Variants in ALDH1L2 observed in about 807,000 individuals in gnomAD.
ALDH1L2 encodes aldehyde dehydrogenase 1 family member L2, also known as mitochondrial 10-formyltetrahydrofolate dehydrogenase.
ALDH1L2 carries 91 observed loss-of-function variants against 111.0 expected under a neutral mutation model. The observed-to-expected ratio is 0.82, with a 90% CI of 0.69 to 0.98. The LOEUF (loss-of-function observed/expected upper bound fraction) is 0.98, where lower values mean the gene tolerates loss of function less well. Ranked by LOEUF, ALDH1L2 falls within the 50% of genes least tolerant of loss-of-function variation. ALDH1L2 has a pLI of 0.00. For synonymous variants in ALDH1L2, 374 were observed against 392.6 expected (o/e 0.95, Z 0.56); for missense variants, 995 against 1,126.8 (o/e 0.88, Z 1.67).
intron 15 of ALDH1L2, among the ~76,000 whole-genome samples, chr12:105,046,209 A>G: frequency 1.9e-5 from 1 of 52,784 alleles, no homozygotes; most frequent in South Asian, 6.9e-4. Flanking sequence ...ATATATATAT[A>G]TATATATATA....
chr12:105,063,317 A>C lies in ALDH1L2; in HGVS notation c.787-295T>G, dbSNP rs575793886. On this transcript the variant is annotated intron_variant, in intron 6 of 22. Coordinates refer to ENST00000258494, the MANE Select transcript of ALDH1L2 (RefSeq NM_001034173.4). The stretch of plus-strand genomic sequence containing the variant: ...CGGTGAAACCCCGTCTCTACTAAAA[A>C]TACAAAAAATTAGCTGGGCATAGTG... Among the ~76,000 whole-genome samples, 4 of 152,242 alleles carry C rather than the reference A, an allele frequency of 2.6e-5. No homozygotes were observed. The East Asian group carries it at 7.7e-4, about 29-fold the overall frequency.
At chr12:105,026,469 A>C in intron 22 of ALDH1L2, 76 bp downstream of exon 22, 1 of 1,543,300 alleles carries the variant, frequency 6.5e-7, no homozygotes, top group Admixed American at 1.7e-5. Flanking sequence ...AGTCACACAC[A>C]AGTCATGAAA....
At chr12:105,053,392 G>A (rs554552915) in intron 10 of ALDH1L2, among the ~76,000 whole-genome samples, 33 of 152,238 alleles carry the variant, frequency 2.2e-4, no homozygotes, top group African/African-American at 6.5e-4. Context: ...CATGTGTTGC[G>A]TAAATTGTAC....
rs143745585 is a variant in ALDH1L2, at chr12:105,032,420, G to A, written c.2245-486C>T. 5.4e-3 allele frequency among the ~76,000 whole-genome samples: 817 copies of A among 152,094 alleles called. 7 individuals carry two copies. The highest frequency in any genetic ancestry group is 0.019 in the African/African-American group (768 of 41,482). Reference sequence around the variant, plus strand: ...CGCTCGGCTAATTTTTGTATTTTTAGTAGAGATGGGGTTTCTCCATGTTGG... The same window carrying A: ...CGCTCGGCTAATTTTTGTATTTTTAATAGAGATGGGGTTTCTCCATGTTGG... On this transcript the variant is annotated intron_variant, in intron 19 of 22. Transcript: ENST00000258494.
At chr12:105,025,425 A>G (rs1231177446) in intron 22 of ALDH1L2, among the ~76,000 whole-genome samples, 1 of 152,226 alleles carries the variant, frequency 6.6e-6, no homozygotes, top group Admixed American at 6.5e-5. Context: ...GAGCTGGTCA[A>G]ATACACTCTC....
At chr12:105,027,854 A>G (rs1397681362) in intron 21 of ALDH1L2, among the ~76,000 whole-genome samples, 1 of 152,176 alleles carries the variant, frequency 6.6e-6, no homozygotes, top group Non-Finnish European at 1.5e-5. Flanking sequence ...TCTTTATGCT[A>G]TGGTGTTGCA....
rs1877636711 is a variant in ALDH1L2, at chr12:105,070,721, C to T, written c.277G>A (p.Glu93Lys). The T allele has an allele frequency of 1.2e-6, 2 of 1,614,206 alleles. No homozygotes were observed. Among genetic ancestry groups the T allele is most frequent in the East Asian group, 4.5e-5 (2 of 44,888 alleles). ...VKGKTIKEVA[E>K]AYRSVGAELN... ...TCTGCACCCACGGATCTGTAGGCTT[C>T]TGCCACTTCTTTGATGGTCTTGCCC... Residue 93 changes from glutamate to lysine, a missense_variant, in exon 3 of 23, where the codon GAA becomes AAA. Physicochemically the swap from Glu to Lys is moderately conservative, Grantham distance 56. Coordinates refer to ENST00000258494, the MANE Select transcript of ALDH1L2 (RefSeq NM_001034173.4).
intron 15 of ALDH1L2, among the ~76,000 whole-genome samples, chr12:105,046,108 A>G (rs1875830471): frequency 6.9e-6 from 1 of 145,734 alleles, no homozygotes; most frequent in Non-Finnish European, 1.5e-5. Context: ...TTTTATAATT[A>G]CAGACATTCT....
At position 105,079,599 on chromosome 12, in the gene ALDH1L2, C is replaced by G. The variant is rs183605906; in HGVS notation, c.48+4790G>C. Among the ~76,000 whole-genome samples the G allele has an allele frequency of 7.0e-3, 1,064 of 152,132 alleles. 6 individuals are homozygous for G. Among genetic ancestry groups the G allele is most frequent in the Non-Finnish European group, 8.8e-3 (600 of 68,006 alleles). The stretch of plus-strand genomic sequence containing the variant: ...AAAGGGAGAGACAGTCCAAAGGGCT[C>G]GAGTCCAGAAACGGACTCCAGTACT... On this transcript the variant is annotated intron_variant, in intron 1 of 22. Coordinates refer to ENST00000258494, the MANE Select transcript of ALDH1L2 (RefSeq NM_001034173.4).
At chr12:105,063,133 A>C in intron 6 of ALDH1L2, 111 bp from the exon 7 acceptor site, 3 of 1,248,484 alleles carry the variant, frequency 2.4e-6, no homozygotes, top group Non-Finnish European at 3.2e-6. Flanking sequence ...ATCATCTGTA[A>C]TAAAATTGAG....
chr12:105,061,842 C>A, intron 7 of ALDH1L2, 90 bp from the exon 8 acceptor site: 9 of 1,444,794 alleles, frequency 6.2e-6, no homozygotes, highest in Non-Finnish European at 6.6e-6. Context: ...AGATTATATG[C>A]ATATAAGGGC....
At chr12:105,075,438 A>G (rs1301165713) in intron 1 of ALDH1L2, among the ~76,000 whole-genome samples, 2 of 152,190 alleles carry the variant, frequency 1.3e-5, no homozygotes, top group African/African-American at 4.8e-5. Context: ...TACAAAAATT[A>G]GCCGGGTATG....
intron 18 of ALDH1L2, among the ~76,000 whole-genome samples, chr12:105,035,913 T>C (rs1404377849): frequency 2.4e-5 from 2 of 84,246 alleles, no homozygotes; most frequent in East Asian, 7.2e-4. Context: ...GTATATATAT[T>C]ATATATATAC....
chr12:105,064,455 A>C (rs1877225901), intron 6 of ALDH1L2, among the ~76,000 whole-genome samples: 1 of 151,862 alleles, frequency 6.6e-6, no homozygotes, highest in African/African-American at 2.4e-5. Flanking sequence ...CATTACACTA[A>C]ACTCCCTCCC....
At chr12:105,053,458 T>A (rs1876420907) in intron 10 of ALDH1L2, among the ~76,000 whole-genome samples, 1 of 152,220 alleles carries the variant, frequency 6.6e-6, no homozygotes. Context: ...TTGATGAGGC[T>A]CAGTTTTTTT....
intron 17 of ALDH1L2, among the ~76,000 whole-genome samples, chr12:105,039,205 C>T (rs560662399): frequency 2.0e-5 from 3 of 152,096 alleles, no homozygotes; most frequent in African/African-American, 4.8e-5. Context: ...ATTATTTTAA[C>T]AACACTTTTC....
intron 1 of ALDH1L2, among the ~76,000 whole-genome samples, chr12:105,075,918 TG>T (rs1325951601): frequency 6.6e-6 from 1 of 152,122 alleles, no homozygotes; most frequent in Non-Finnish European, 1.5e-5. Context: ...CCCTAGTAGC[TG>T]GGATTACAGG....
intron 11 of ALDH1L2, among the ~76,000 whole-genome samples, 169 bp downstream of exon 11, chr12:105,052,643 T>A (rs569138589): frequency 6.6e-6 from 1 of 152,358 alleles, no homozygotes; most frequent in South Asian, 2.1e-4. Flanking sequence ...TAATAGCAGC[T>A]GGTACCAGAA....
intron 15 of ALDH1L2, among the ~76,000 whole-genome samples, chr12:105,043,403 T>C (rs1428271194): frequency 2.6e-5 from 4 of 152,236 alleles, no homozygotes; most frequent in Non-Finnish European, 5.9e-5. Flanking sequence ...TTCCTCCTTC[T>C]AGTAACAGAT....
Sources: allele counts gnomAD v4.1 joint callset (sites outside exome capture counted in the v4.1 genomes callset), GRCh38; gene constraint gnomAD v4.1.1; transcripts MANE v1.5; gene names NCBI Gene and HGNC (gene_info 2026-07-23, HGNC 2026-07-21).